MTMR14: variants seen among roughly 807,000 people sequenced by gnomAD.
MTMR14 encodes phosphatidylinositol-3,5-bisphosphate 3-phosphatase MTMR14.
A neutral mutation model predicts 86.3 loss-of-function variants in MTMR14; 48 were observed. The ratio of observed to expected loss-of-function variants is 0.56; its 90% CI spans 0.44 to 0.71. The LOEUF (loss-of-function observed/expected upper bound fraction) is 0.71. MTMR14 is among the 30% of genes least tolerant of loss of function. The pLI is 0.00. For missense variants in MTMR14, 780 were observed against 834.6 expected (o/e 0.93, Z 0.81); for synonymous variants, 366 against 326.1 (o/e 1.12, Z -1.32).
chr3:9,668,864 G>A lies in MTMR14; in HGVS notation c.493+70G>A. On this transcript the variant is annotated intron_variant, in intron 4 of 18. Coordinates refer to ENST00000296003, the MANE Select transcript of MTMR14 (RefSeq NM_001077525.3). ...CATAGAGAATAGCTACCCGGGCCGG[G>A]CGCCATGCCTCACGCCTGTAATCTC... The A allele has an allele frequency of 6.6e-6, 10 of 1,519,436 alleles. No individual in the cohort carries two copies. The South Asian group carries it at 1.0e-4, about 15-fold the overall frequency. The allele number at this position is 1,519,436 out of a possible 1,614,324, so 94.1% of individuals were successfully genotyped here. A position where few individuals can be genotyped will look rare whatever the true frequency, so the allele number is the denominator to read the frequency against.
At chr3:9,689,825 GGA>G (rs1394501574) in intron 16 of MTMR14, 137 bp from the exon 17 acceptor site, 1 of 819,404 alleles carries the variant, frequency 1.2e-6, no homozygotes, top group East Asian at 2.7e-5. Context: ...GCCCTGAGCT[GGA>G]GAGAGTGCTA....
chr3:9,689,223 C>T (rs2076062540), intron 16 of MTMR14, 141 bp downstream of exon 16: 2 of 1,321,740 alleles, frequency 1.5e-6, no homozygotes, highest in African/African-American at 2.9e-5. Context: ...CCTGCTGTCT[C>T]TACTGGGCCT....
rs1189327484 is a variant in MTMR14 at position 9,688,948 on chromosome 3, A to C, written c.1299A>C (p.Arg433=). 6.2e-7 allele frequency: 1 copy of C among 1,613,908 alleles called. No homozygotes were observed. The highest frequency in any genetic ancestry group is 8.5e-7 in the Non-Finnish European group (1 of 1,180,012). Residue 433 remains arginine (R), a synonymous_variant, in exon 16 of 19, where the codon CGA becomes CGC. Coordinates refer to ENST00000296003, the MANE Select transcript of MTMR14 (RefSeq NM_001077525.3). ...GATGGCACTGGCTTCTTTTAGGACG[A>C]AAGGACCGTGGCAGCACCACCAGCC... ...FTLEDICMLR[R]KDRGSTTSLG...
chr3:9,659,563 C>G (rs2047801760), intron 2 of MTMR14: 1 of 369,994 alleles, frequency 2.7e-6, no homozygotes, highest in Admixed American at 3.4e-5. Context: ...CCTGCCTCAG[C>G]CTCCCGAGTA....
rs1318179031 is a variant in MTMR14, at chr3:9,689,950, T to C, written c.1434-14T>C. 4 of 1,605,962 alleles carry C rather than the reference T, an allele frequency of 2.5e-6. No homozygotes were observed. In the African/African-American group the frequency reaches 5.3e-5, roughly 21 times the overall value. ...AGTGGCCCCCGGCTCACAGCCCTGC[T>C]CCTTCCACTGCAGGAGGAAGAGCCA... is the stretch of plus-strand genomic sequence containing the variant. On this transcript the variant is annotated splice_polypyrimidine_tract_variant and intron_variant, in intron 16 of 18. Coordinates refer to ENST00000296003, the MANE Select transcript of MTMR14 (RefSeq NM_001077525.3).
intron 6 of MTMR14, 40 bp downstream of exon 6, chr3:9,671,210 G>A (rs369380392): frequency 1.2e-6 from 2 of 1,613,766 alleles, no homozygotes; most frequent in East Asian, 2.2e-5. Flanking sequence ...CAGAGGCAGT[G>A]TGTACAGATT....
At chr3:9,670,934 A>G in intron 5 of MTMR14, 114 bp from the exon 6 acceptor site, 2 of 1,397,482 alleles carry the variant, frequency 1.4e-6, no homozygotes, top group Non-Finnish European at 2.0e-6. Flanking sequence ...CACCTAGCAC[A>G]CGCCCCAGCT....
rs1213322619 is a variant in MTMR14, at chr3:9,701,868, G to A, written c.1848G>A (p.Val616=). ...SAFLAAYSST[V]GLRAVAPSPS... is the part of the protein sequence containing the mutation. ...TCTTGGCTGCGTACAGCAGCACAGTGGGGCTTCGGGCAGTAGCCCCCAGTC... is the reference window on the plus strand; with the variant it reads ...TCTTGGCTGCGTACAGCAGCACAGTAGGGCTTCGGGCAGTAGCCCCCAGTC... Residue 616 remains valine (V), a synonymous_variant, in exon 19 of 19, where the codon GTG becomes GTA. Coordinates refer to ENST00000296003, the MANE Select transcript of MTMR14 (RefSeq NM_001077525.3). The surrounding 1 kb of genome is among the most constrained non-coding windows in gnomAD (Gnocchi z 4.2). 1 of 1,613,910 alleles carries A rather than the reference G, an allele frequency of 6.2e-7. No individual in the cohort carries two copies. The highest frequency in any genetic ancestry group is 1.3e-5 in the African/African-American group (1 of 74,952).
At chr3:9,694,334 G>A (rs1346899887) in intron 17 of MTMR14, among the ~76,000 whole-genome samples, 2 of 151,906 alleles carry the variant, frequency 1.3e-5, no homozygotes, top group Non-Finnish European at 2.9e-5. Context: ...CCCCCCTCCC[G>A]TAAGTTTGGG....
At chr3:9,661,884 T>A (rs1176029851) in intron 2 of MTMR14, among the ~76,000 whole-genome samples, 1 of 151,994 alleles carries the variant, frequency 6.6e-6, no homozygotes, top group Non-Finnish European at 1.5e-5. Context: ...GTCAGGAGTT[T>A]GAGGCCAGCC....
chr3:9,689,221 C>A, intron 16 of MTMR14, 139 bp downstream of exon 16: 1 of 1,324,228 alleles, frequency 7.6e-7, no homozygotes, highest in Non-Finnish European at 1.0e-6. Flanking sequence ...CTCCTGCTGT[C>A]TCTACTGGGC....
chr3:9,652,547 G>A (rs772333761), intron 1 of MTMR14, among the ~76,000 whole-genome samples: 1 of 152,134 alleles, frequency 6.6e-6, no homozygotes, highest in Non-Finnish European at 1.5e-5. Flanking sequence ...CAGCCCAGGA[G>A]TTCGAGAGCA....
At chr3:9,649,799 G>C in intron 1 of MTMR14, 57 bp downstream of exon 1, 1 of 1,603,654 alleles carries the variant, frequency 6.2e-7, no homozygotes, top group East Asian at 2.2e-5. Context: ...AGTTACAGAG[G>C]AAAGGCTGAG....
At position 9,672,761 on chromosome 3, in the gene MTMR14, AG is replaced by A. The variant is rs954137987; in HGVS notation, c.751+8del. ...TCTCCTCTCCATCCCGTATCCAGGT[AG>A]GGGGCTCTCTTCTAGTGGCAGGCAT... On this transcript the variant is annotated splice_donor_region_variant and intron_variant, in intron 7 of 18. Transcript: ENST00000296003. The A allele has an allele frequency of 6.2e-7, 1 of 1,613,904 alleles. No individual in the cohort carries two copies. The highest frequency in any genetic ancestry group is 8.5e-7 in the Non-Finnish European group (1 of 1,179,936).
chr3:9,659,851 T>A lies in MTMR14; in HGVS notation c.309-2416T>A, dbSNP rs182047412. 54 of 456,744 alleles carry A rather than the reference T, an allele frequency of 1.2e-4. 1 individual carries two copies. The East Asian group carries it at 1.5e-3, about 12-fold the overall frequency. 28.3% of individuals were successfully genotyped at this position (456,744 alleles called of 1,614,324 possible). On this transcript the variant is annotated intron_variant, in intron 2 of 18. Transcript: ENST00000296003. ...AAAGATCCTCCCTAGAGGAAAATGC[T>A]GATGTGTCCTCCACCAGGGGTGTTT... is the stretch of plus-strand genomic sequence containing the variant.
chr3:9,664,309 T>G (rs937276877), intron 3 of MTMR14, among the ~76,000 whole-genome samples: 1 of 151,278 alleles, frequency 6.6e-6, no homozygotes, highest in Non-Finnish European at 1.5e-5. Flanking sequence ...AGAAGTCCTG[T>G]AGCAGAGAGG....
intron 5 of MTMR14, among the ~76,000 whole-genome samples, chr3:9,669,926 A>G (rs762906499): frequency 6.6e-6 from 1 of 152,226 alleles, no homozygotes; most frequent in Non-Finnish European, 1.5e-5. Flanking sequence ...CATGAGGTCT[A>G]GCCTGGAAGG....
intron 17 of MTMR14, among the ~76,000 whole-genome samples, chr3:9,692,460 C>A (rs1209261178): frequency 6.6e-6 from 1 of 152,228 alleles, no homozygotes; most frequent in Non-Finnish European, 1.5e-5. Flanking sequence ...AGTTGCATTT[C>A]TGGACCATTG....
chr3:9,650,330 G>A (rs1423102019), intron 1 of MTMR14: 6 of 456,362 alleles, frequency 1.3e-5, no homozygotes, highest in Non-Finnish European at 1.8e-5. Flanking sequence ...CCACCCAGTC[G>A]TCTTATCGCC....
Sources: allele counts gnomAD v4.1 joint callset (sites outside exome capture counted in the v4.1 genomes callset), GRCh38; gene constraint gnomAD v4.1.1; non-coding constraint Gnocchi (gnomAD v3.1); transcripts MANE v1.5; gene names NCBI Gene and HGNC (gene_info 2026-07-23, HGNC 2026-07-21).